The following NOP14 variants were observed in gnomAD, a reference collection of about 807,000 sequenced individuals.
The protein encoded by NOP14 is nucleolar protein 14.
NOP14 carries 57 observed loss-of-function variants against 101.6 expected under a neutral mutation model. The observed-to-expected ratio is 0.56, with a 90% confidence interval of 0.45 to 0.70. The LOEUF (loss-of-function observed/expected upper bound fraction) is 0.70, where lower values mean the gene tolerates loss of function less well. Ranked by LOEUF, NOP14 falls within the 30% of genes least tolerant of loss-of-function variation. NOP14 has a pLI of 0.00. For missense variants in NOP14, 1,134 were observed against 1,075.5 expected (o/e 1.05, Z -0.76); for synonymous variants, 428 against 424.0 (o/e 1.01, Z -0.12).
intron 9 of NOP14, 96 bp downstream of exon 9, chr4:2,948,182 C>T: frequency 2.8e-6 from 4 of 1,424,758 alleles, no homozygotes; most frequent in Non-Finnish European, 2.8e-6. Context: ...TGGCCTGAGG[C>T]ACACATGGCC....
chr4:2,959,559 C>T (rs560037154), intron 1 of NOP14, among the ~76,000 whole-genome samples: 1 of 151,944 alleles, frequency 6.6e-6, no homozygotes, highest in East Asian at 1.9e-4. Context: ...TGCCACTGCA[C>T]TCCAGCCTGG....
At chr4:2,947,693 TA>T in intron 9 of NOP14, 82 bp from the exon 10 acceptor site, 1 of 1,150,054 alleles carries the variant, frequency 8.7e-7, no homozygotes. Flanking sequence ...CTGGATCACG[TA>T]CATTCTGGTG....
chr4:2,939,698 G>T lies in NOP14; in HGVS notation c.2200-53C>A, dbSNP rs185121341. The T allele has an allele frequency of 2.0e-4, 261 of 1,338,426 alleles. 2 individuals are homozygous for T. The East Asian group carries it at 4.1e-3, about 21-fold the overall frequency. The allele number at this position is 1,338,426 out of a possible 1,614,324, so 82.9% of individuals were successfully genotyped here. A position where few individuals can be genotyped will look rare whatever the true frequency, so the allele number is the denominator to read the frequency against. ...CGATGACTCACCTGCTGCGTGCCCT[G>T]AGCTCCACGCACGGGTTCTGTGGTG... On this transcript the variant is annotated intron_variant, in intron 15 of 17. Coordinates refer to ENST00000416614, the MANE Select transcript of NOP14 (RefSeq NM_001291978.2).
chr4:2,941,380 C>T, intron 15 of NOP14: 1 of 571,928 alleles, frequency 1.7e-6, no homozygotes, highest in Non-Finnish European at 3.1e-6. Flanking sequence ...GCCTGAGATG[C>T]AGCATCTGCT....
intron 15 of NOP14, 32 bp from the exon 16 acceptor site, chr4:2,939,677 G>A (rs759515055): frequency 3.3e-6 from 5 of 1,524,544 alleles, no homozygotes; most frequent in South Asian, 1.1e-5. Flanking sequence ...ACTCTGCGAT[G>A]ACTCACCTGC....
At chr4:2,945,271 A>T in intron 11 of NOP14, 42 bp from the exon 12 acceptor site, 1 of 1,457,316 alleles carries the variant, frequency 6.9e-7, no homozygotes, top group Non-Finnish European at 9.4e-7. Flanking sequence ...AGGTAAATGA[A>T]GTCCATCCAT....
At chr4:2,951,312 TCCTGC>T in intron 6 of NOP14, 67 bp from the exon 7 acceptor site, 1 of 1,502,464 alleles carries the variant, frequency 6.7e-7, no homozygotes, top group Non-Finnish European at 9.1e-7. Context: ...GGCCGTGCAG[TCCTGC>T]CCTGGGCAGC....
chr4:2,951,277 A>C, intron 6 of NOP14, 32 bp from the exon 7 acceptor site: 1 of 1,608,796 alleles, frequency 6.2e-7, no homozygotes, highest in Non-Finnish European at 8.5e-7. Flanking sequence ...GTCTTAGAGC[A>C]CACTCTTCCA....
At position 2,938,909 on chromosome 4, in the gene NOP14, T is replaced by C. The variant is rs747143064; in HGVS notation, c.2496A>G (p.Lys832=). Residue 832 remains lysine, a synonymous_variant, in exon 18 of 18, where the codon AAA becomes AAG. Coordinates refer to ENST00000416614, the MANE Select transcript of NOP14 (RefSeq NM_001291978.2). ...CCAGGCTGTTAAAAAGCTGCTTTACTTTCCGCTTTCTTTCCGCATCCCTAA... is the reference window on the plus strand; with the variant it reads ...CCAGGCTGTTAAAAAGCTGCTTTACCTTCCGCTTTCTTTCCGCATCCCTAA... The part of the protein sequence containing the change: ...IMERDAERKR[K]VKQLFNSLAT... 2 of 1,614,194 alleles carry C rather than the reference T, an allele frequency of 1.2e-6. No homozygotes were observed. The highest frequency in any genetic ancestry group is 2.2e-5 in the East Asian group (1 of 44,892).
Position 2,941,640 on chromosome 4 carries a change from G to A in NOP14, c.2141C>T (p.Pro714Leu). 6.2e-7 allele frequency: 1 copy of A among 1,613,510 alleles called. No homozygotes were observed. Among genetic ancestry groups the A allele is most frequent in the South Asian group, 1.1e-5 (1 of 90,902 alleles). ...GTGATCCGTGAGGAGGGCTTGGAGA[G>A]GCCCCATGATGGCGTGGAAGGATGG... ...SLPSFHAIMG[P>L]LQALLTDHLA... is the part of the protein sequence containing the mutation. The change falls in exon 15 of 18, where the codon CCT becomes CTT. Residue 714 changes from proline to leucine, a missense_variant. Coordinates refer to ENST00000416614, the MANE Select transcript of NOP14 (RefSeq NM_001291978.2).
chr4:2,944,604 G>A (rs1324263713), intron 12 of NOP14, among the ~76,000 whole-genome samples: 9 of 151,976 alleles, frequency 5.9e-5, no homozygotes, highest in African/African-American at 9.7e-5. Context: ...ACGGGGTTTC[G>A]CCATGTTGGC....
intron 8 of NOP14, 40 bp from the exon 9 acceptor site, chr4:2,948,448 T>C (rs1381343416): frequency 7.1e-7 from 1 of 1,410,650 alleles, no homozygotes; most frequent in South Asian, 1.4e-5. Context: ...TTAACATTTA[T>C]ATATATGTAT....
chr4:2,939,919 G>A (rs1714022005), intron 15 of NOP14, among the ~76,000 whole-genome samples: 1 of 152,218 alleles, frequency 6.6e-6, no homozygotes, highest in Admixed American at 6.5e-5. Flanking sequence ...TCTGAAAGGA[G>A]GGGACTTGGG....
At position 2,945,241 on chromosome 4, in the gene NOP14, G is replaced by C. The variant is rs778849444; in HGVS notation, c.1636-12C>G. 2.6e-6 allele frequency: 4 copies of C among 1,548,942 alleles called. No homozygotes were observed. The South Asian group carries it at 4.7e-5, about 18-fold the overall frequency. ...TTCAAATAAATGAGCTGGAAAGAAA[G>C]TGTTACCACAGGTTAAAGAAGGTAA... On this transcript the variant is annotated splice_polypyrimidine_tract_variant and intron_variant, in intron 11 of 17. Transcript: ENST00000416614.
rs527988777 is a variant in NOP14, at chr4:2,954,469, C to G, written c.567G>C (p.Arg189=). 9.9e-5 allele frequency: 160 copies of G among 1,614,208 alleles called. 3 individuals carry two copies. The South Asian group carries it at 1.7e-3, about 17-fold the overall frequency. The change falls in exon 4 of 18, where the codon CGG becomes CGC. Residue 189 remains arginine (R), a synonymous_variant. Coordinates refer to ENST00000416614, the MANE Select transcript of NOP14 (RefSeq NM_001291978.2). Reference sequence around the variant, plus strand: ...CAATGAGCTCTTCAATCAGCTCTTTCCGGGACTTCGGTTTCTCCCGCTCCT... The same window carrying G: ...CAATGAGCTCTTCAATCAGCTCTTTGCGGGACTTCGGTTTCTCCCGCTCCT... ...EGEEREKPKS[R]KELIEELIAK... is the part of the protein sequence containing the mutation.
intron 4 of NOP14, 81 bp downstream of exon 4, chr4:2,954,343 T>A (rs1482076070): frequency 1.3e-6 from 2 of 1,496,968 alleles, no homozygotes; most frequent in African/African-American, 2.8e-5. Flanking sequence ...CCTAAAAAGG[T>A]ACAGGAAAAA....
chr4:2,938,654 T>C lies in NOP14; in HGVS notation c.*177A>G, dbSNP rs1317290186. 8.5e-6 allele frequency: 5 copies of C among 591,682 alleles called. No homozygotes were observed. Among genetic ancestry groups the C allele is most frequent in the African/African-American group, 3.7e-5 (2 of 53,584 alleles). 36.7% of individuals were successfully genotyped at this position (591,682 alleles called of 1,614,324 possible). Reference sequence around the variant, plus strand: ...CCGAGTAGTTGGGACTACAGGTGCGTGCCACCACACTTGGCTAATTTTTAT... The same window carrying C: ...CCGAGTAGTTGGGACTACAGGTGCGCGCCACCACACTTGGCTAATTTTTAT... On this transcript the variant is annotated 3_prime_UTR_variant, in exon 18 of 18. Transcript: ENST00000416614.
At chr4:2,951,575 G>A (rs187704236) in intron 6 of NOP14, among the ~76,000 whole-genome samples, 5 of 152,240 alleles carry the variant, frequency 3.3e-5, no homozygotes, top group Admixed American at 1.3e-4. Flanking sequence ...GAGAGAATAG[G>A]AGCCAGGACG....
chr4:2,950,213 C>T lies in NOP14; in HGVS notation c.1003G>A (p.Asp335Asn), dbSNP rs569909307. 4 of 1,613,344 alleles carry T rather than the reference C, an allele frequency of 2.5e-6. No individual in the cohort carries two copies. The East Asian group carries it at 6.7e-5, about 27-fold the overall frequency. ...KDDRRLLSYKDGKMNVEEDVQ... is the reference protein window; with the variant it reads ...KDDRRLLSYKNGKMNVEEDVQ... ...TCTTCCTCGACATTCATCTTTCCAT[C>T]CTACCAAGAGCGTGGAAACCACAGG... The change falls in exon 8 of 18, where the codon GAT becomes AAT. Residue 335 changes from aspartate to asparagine, a missense_variant and splice_region_variant. Coordinates refer to ENST00000416614, the MANE Select transcript of NOP14 (RefSeq NM_001291978.2).
Sources: gnomAD v4.1 joint callset for allele counts (sites outside exome capture counted in the v4.1 genomes callset) on GRCh38, gnomAD v4.1.1 for gene constraint, MANE v1.5 for transcripts, NCBI Gene and HGNC (gene_info 2026-07-23, HGNC 2026-07-21) for gene names.